Variants in CWC22 observed in about 807,000 individuals in gnomAD.
CWC22 encodes CWC22 spliceosome associated protein.
Under a neutral mutation model 117.2 loss-of-function variants are expected in CWC22, and 53 were observed. The observed-to-expected ratio is 0.45, with a 90% CI of 0.36 to 0.57. The LOEUF is 0.57. Among genes scored for constraint, CWC22 ranks in the 20% least tolerant of loss-of-function variants. The pLI is 0.00. For synonymous variants in CWC22, 360 were observed against 355.6 expected (o/e 1.01, Z -0.14); for missense variants, 980 against 1,068.8 (o/e 0.92, Z 1.16).
chr2:179,952,256 A>G (rs1313098331), intron 17 of CWC22, among the ~76,000 whole-genome samples: 8 of 152,130 alleles, frequency 5.3e-5, no homozygotes, highest in Non-Finnish European at 1.0e-4. Flanking sequence ...AAATCTAAAA[A>G]GGCATTAATT....
chr2:179,946,219 G>C (rs1250667140), intron 19 of CWC22, among the ~76,000 whole-genome samples: 1 of 151,974 alleles, frequency 6.6e-6, no homozygotes, highest in Non-Finnish European at 1.5e-5. Context: ...AGAGGGGGTG[G>C]GGGACAGATT....
In CWC22 at chr2:179,954,312, T is replaced by C. The variant is rs1278667477; in HGVS notation, c.1582A>G (p.Ile528Val). 5.0e-6 allele frequency: 8 copies of C among 1,607,236 alleles called. No individual in the cohort carries two copies. The highest frequency in any genetic ancestry group is 6.8e-6 in the Non-Finnish European group (8 of 1,174,866). ...KKEYMESFEG[I>V]FKEQYDTIHR... is the part of the protein sequence containing the mutation. Reference sequence around the variant, plus strand: ...ATGGTATCATACTGTTCTTTGAATATACCTTCAAAGGATTCCATGTACTCT... The same window carrying C: ...ATGGTATCATACTGTTCTTTGAATACACCTTCAAAGGATTCCATGTACTCT... The change falls in exon 16 of 20, where the codon ATA becomes GTA. Residue 528 changes from isoleucine (I) to valine (V), a missense_variant. Ile to Val is a conservative substitution (Grantham distance 29). Transcript: ENST00000410053.
At position 179,988,654 on chromosome 2, in the gene CWC22, A is replaced by G; in HGVS notation, c.28-10T>C. On this transcript the variant is annotated splice_polypyrimidine_tract_variant and intron_variant, in intron 2 of 19. Transcript: ENST00000410053. ...CATGACCAGAAGAAGGCTTTAAAAG[A>G]GGAAAAGGGGAAAACATTTCAAAAA... is the stretch of plus-strand genomic sequence containing the variant. The G allele has an allele frequency of 6.9e-7, 1 of 1,455,092 alleles. No individual in the cohort carries two copies. The highest frequency in any genetic ancestry group is 2.2e-5 in the Admixed American group (1 of 45,028). 90.1% of individuals were successfully genotyped at this position (1,455,092 alleles called of 1,614,324 possible).
chr2:179,993,074 A>T (rs1309447813), intron 2 of CWC22, among the ~76,000 whole-genome samples: 2 of 152,182 alleles, frequency 1.3e-5, no homozygotes, highest in East Asian at 3.8e-4. Context: ...CTTGCACACT[A>T]ATACTTCCAT....
At chr2:179,991,369 T>C (rs1687562762) in intron 2 of CWC22, among the ~76,000 whole-genome samples, 1 of 152,116 alleles carries the variant, frequency 6.6e-6, no homozygotes, top group Admixed American at 6.5e-5. Context: ...AGGGAAGAGC[T>C]GAGTTTCACC....
At chr2:179,988,391 TTTAC>T (rs1270082418) in intron 3 of CWC22, among the ~76,000 whole-genome samples, 182 bp downstream of exon 3, 1 of 152,202 alleles carries the variant, frequency 6.6e-6, no homozygotes, top group Non-Finnish European at 1.5e-5. Context: ...TCTGGAATTA[TTTAC>T]TAGAAACTCC....
At chr2:179,971,635 T>A (rs180690932) in intron 8 of CWC22, among the ~76,000 whole-genome samples, 143 of 152,250 alleles carry the variant, frequency 9.4e-4, no homozygotes, top group Middle Eastern at 6.8e-3. Flanking sequence ...TATCTTTTTT[T>A]AAAAAATTAA....
At chr2:179,978,120 G>T in intron 6 of CWC22, 70 bp downstream of exon 6, 1 of 1,343,220 alleles carries the variant, frequency 7.4e-7, no homozygotes, top group South Asian at 2.3e-5. Context: ...AATGATTATT[G>T]TTCATGTAGA....
At chr2:179,969,347 C>A (rs965721978) in intron 11 of CWC22, among the ~76,000 whole-genome samples, 1 of 152,138 alleles carries the variant, frequency 6.6e-6, no homozygotes, top group Admixed American at 6.5e-5. Context: ...CAGTGAAAAG[C>A]TCCTAGGAAA....
At chr2:179,959,271 G>A (rs1233493310) in intron 13 of CWC22, among the ~76,000 whole-genome samples, 189 bp from the exon 14 acceptor site, 1 of 152,088 alleles carries the variant, frequency 6.6e-6, no homozygotes, top group Non-Finnish European at 1.5e-5. Flanking sequence ...CAACATGGAT[G>A]AATCCTTGAA....
At position 179,986,726 on chromosome 2, in the gene CWC22, C is replaced by T; in HGVS notation, c.175G>A (p.Gly59Arg). ...SRSDYEHSRR[G>R]RSYDSSMESR... ...TCCATGCTACTATCATAAGAACGTCCTCTTCTTGAATGCTCATAGTCTGAT... is the reference window on the plus strand; with the variant it reads ...TCCATGCTACTATCATAAGAACGTCTTCTTCTTGAATGCTCATAGTCTGAT... The change falls in exon 4 of 20, where the codon GGA becomes AGA. Residue 59 changes from glycine to arginine, a missense_variant. Coordinates refer to ENST00000410053, the MANE Select transcript of CWC22 (RefSeq NM_020943.3). 6.2e-7 allele frequency: 1 copy of T among 1,605,604 alleles called. No individual in the cohort carries two copies. The highest frequency in any genetic ancestry group is 8.5e-7 in the Non-Finnish European group (1 of 1,174,074).
chr2:179,993,132 T>C (rs1292295923), intron 2 of CWC22, among the ~76,000 whole-genome samples, 183 bp downstream of exon 2: 1 of 152,252 alleles, frequency 6.6e-6, no homozygotes, highest in African/African-American at 2.4e-5. Context: ...ATGGATGTAT[T>C]AGGTTGGTGC....
At chr2:179,998,251 T>C (rs1242115322) in intron 1 of CWC22, among the ~76,000 whole-genome samples, 1 of 152,152 alleles carries the variant, frequency 6.6e-6, no homozygotes, top group Non-Finnish European at 1.5e-5. Context: ...TAGTTGTAAA[T>C]CAATTGGAAA....
rs139376109 is a variant in CWC22, at chr2:179,945,720, G to A, written c.2141-5C>T. On this transcript the variant is annotated splice_region_variant and splice_polypyrimidine_tract_variant and intron_variant, in intron 19 of 19. Coordinates refer to ENST00000410053, the MANE Select transcript of CWC22 (RefSeq NM_020943.3). Reference sequence around the variant, plus strand: ...CCTTCTTTCTTACATCATTAGCTGCGTGTGTAAAATAAAAGACAGTTAGCT... The same window carrying A: ...CCTTCTTTCTTACATCATTAGCTGCATGTGTAAAATAAAAGACAGTTAGCT... 14,606 of 1,499,382 alleles carry A rather than the reference G, an allele frequency of 9.7e-3. 112 individuals carry two copies. The highest frequency in any genetic ancestry group is 0.011 in the Non-Finnish European group (12,500 of 1,104,620). The allele number at this position is 1,499,382 out of a possible 1,614,324, so 92.9% of individuals were successfully genotyped here. A position where few individuals can be genotyped will look rare whatever the true frequency, so the allele number is the denominator to read the frequency against.
chr2:179,956,620 GTC>G (rs1026732620), intron 14 of CWC22, among the ~76,000 whole-genome samples: 146 of 150,256 alleles, frequency 9.7e-4, no homozygotes, highest in African/African-American at 3.3e-3. Flanking sequence ...ATAAAGATAA[GTC>G]TCAAGTTATC....
In CWC22 at chr2:179,945,475, C is replaced by G. The variant is rs1046356; in HGVS notation, c.2381G>C (p.Arg794Pro). ...ATTCGCAACTCTACTGTAGTTATTT[C>G]GTTCAGAAGGAACATCTTTGTCTGA... The part of the protein sequence containing the change: ...YTSDKDVPSE[R>P]NNYSRVANDR... The change falls in exon 20 of 20, where the codon CGA (arginine) becomes CCA (proline). Residue 794 changes from arginine to proline, a missense_variant. Around this residue, in one of 3 missense-constraint regions of CWC22, gnomAD observed 306 missense variants for 296.8 expected, o/e 1.03. Transcript: ENST00000410053. 5.6e-6 allele frequency: 9 copies of G among 1,612,840 alleles called. No individual in the cohort carries two copies. Among genetic ancestry groups the G allele is most frequent in the Non-Finnish European group, 7.6e-6 (9 of 1,179,166 alleles).
At chr2:180,005,114 T>C (rs545745590) in intron 1 of CWC22, among the ~76,000 whole-genome samples, 1 of 152,180 alleles carries the variant, frequency 6.6e-6, no homozygotes, top group South Asian at 2.1e-4. Context: ...TAATTTACAT[T>C]GCTAACAAGC....
intron 19 of CWC22, among the ~76,000 whole-genome samples, chr2:179,946,213 G>C (rs562537622): frequency 6.6e-6 from 1 of 152,054 alleles, no homozygotes; most frequent in African/African-American, 2.4e-5. Context: ...GGAAGCAGAG[G>C]GGGTGGGGGA....
At position 179,978,275 on chromosome 2, in the gene CWC22, T is replaced by G. The variant is rs377130506; in HGVS notation, c.496A>C (p.Ile166Leu). Reference sequence around the variant, plus strand: ...TTGACTTTGTTGATAAGGCCATTAATTGACTTCTTCAGGGCCTCCCAACTC... The same window carrying G: ...TTGACTTTGTTGATAAGGCCATTAAGTGACTTCTTCAGGGCCTCCCAACTC... Reference protein sequence around the residue: ...RMSWEALKKSINGLINKVNIS... With the variant: ...RMSWEALKKSLNGLINKVNIS... The change falls in exon 6 of 20, where the codon ATT becomes CTT. Residue 166 changes from isoleucine to leucine, a missense_variant. Ile to Leu is a conservative substitution (Grantham distance 5, BLOSUM62 2). Transcript: ENST00000410053. The G allele has an allele frequency of 4.5e-6, 7 of 1,559,104 alleles. No individual in the cohort carries two copies. In the African/African-American group the frequency reaches 5.5e-5, roughly 12 times the overall value.
Sources: allele counts gnomAD v4.1 joint callset (sites outside exome capture counted in the v4.1 genomes callset), GRCh38; gene constraint gnomAD v4.1.1; regional missense constraint gnomAD v4.1.1; transcripts MANE v1.5; gene names NCBI Gene and HGNC (gene_info 2026-07-23, HGNC 2026-07-21).